Variants in C12orf60 observed in about 807,000 individuals in gnomAD.
The protein encoded by C12orf60 is uncharacterized protein C12orf60.
For synonymous variants in C12orf60, 102 were observed against 94.6 expected (o/e 1.08, Z -0.45); for missense variants, 284 against 283.2 (o/e 1.00, Z -0.02).
At chr12:14,803,832 T>G (rs1379407796) in intron 1 of C12orf60, 81 bp downstream of exon 1, 1 of 205,536 alleles carries the variant, frequency 4.9e-6, no homozygotes, top group Non-Finnish European at 9.6e-6. Flanking sequence ...ATTACCTTAG[T>G]TTTTGCATTT....
intron 1 of C12orf60, among the ~76,000 whole-genome samples, chr12:14,808,528 A>AG (rs1950089349): frequency 6.6e-6 from 1 of 152,220 alleles, no homozygotes; most frequent in Non-Finnish European, 1.5e-5. Context: ...ATTCTGCTTA[A>AG]GGGGAACCTC....
intron 1 of C12orf60, among the ~76,000 whole-genome samples, chr12:14,812,454 A>G (rs1362577025): frequency 1.3e-5 from 2 of 152,170 alleles, no homozygotes; most frequent in Admixed American, 6.5e-5. Flanking sequence ...AAAAAAAAAA[A>G]AAATTTTATT....
At chr12:14,808,246 C>T (rs1950083206) in intron 1 of C12orf60, among the ~76,000 whole-genome samples, 1 of 151,990 alleles carries the variant, frequency 6.6e-6, no homozygotes, top group African/African-American at 2.4e-5. Context: ...GTCCTTTTGG[C>T]CTACAGTACC....
chr12:14,808,369 C>CTT (rs994415969), intron 1 of C12orf60, among the ~76,000 whole-genome samples: 10 of 145,648 alleles, frequency 6.9e-5, no homozygotes, highest in African/African-American at 2.5e-4. Flanking sequence ...GTGGCTGGTA[C>CTT]TTTTTTTTTT....
At position 14,823,427 on chromosome 12, in the gene C12orf60, A is replaced by T. The variant is rs1181038454; in HGVS notation, c.492A>T (p.Gln164His). The T allele has an allele frequency of 6.2e-7, 1 of 1,613,894 alleles. No homozygotes were observed. Among genetic ancestry groups the T allele is most frequent in the Non-Finnish European group, 8.5e-7 (1 of 1,179,970 alleles). Residue 164 changes from glutamine (Q) to histidine (H), a missense_variant, in exon 2 of 2, where the codon CAA (glutamine) becomes CAT (histidine). Coordinates refer to ENST00000330828, the MANE Select transcript of C12orf60 (RefSeq NM_175874.4). Reference sequence around the variant, plus strand: ...TCTATACAGAAGACACCAAAGAGCAATCAGATGTCACCACATCTGAGAGAA... The same window carrying T: ...TCTATACAGAAGACACCAAAGAGCATTCAGATGTCACCACATCTGAGAGAA... ...SDFYTEDTKE[Q>H]SDVTTSERTR...
chr12:14,822,323 A>G (rs1048203136), intron 1 of C12orf60, among the ~76,000 whole-genome samples: 8 of 151,582 alleles, frequency 5.3e-5, no homozygotes, highest in Non-Finnish European at 7.4e-5. Context: ...AAACGACAAC[A>G]ACAACAACAA....
At chr12:14,812,487 C>A (rs1187617670) in intron 1 of C12orf60, among the ~76,000 whole-genome samples, 1 of 152,038 alleles carries the variant, frequency 6.6e-6, no homozygotes, top group Non-Finnish European at 1.5e-5. Context: ...TATTCCCTGT[C>A]TTTACCCTGG....
Position 14,806,836 on chromosome 12 carries a change from A to G in C12orf60, c.-25+3085A>G, listed in dbSNP as rs1313699379. 4 of 808,174 alleles carry G rather than the reference A, an allele frequency of 4.9e-6. No individual in the cohort carries two copies. The Admixed American group carries it at 1.3e-4, about 26-fold the overall frequency. The allele number at this position is 808,174 out of a possible 1,614,324, so 50.1% of individuals were successfully genotyped here. ...TAAGGATAATTCCTCAGAACACTCA[A>G]CAAGTTTTTTTAAAAGAGGGAGTAT... On this transcript the variant is annotated intron_variant, in intron 1 of 1. Transcript: ENST00000330828.
intron 1 of C12orf60, among the ~76,000 whole-genome samples, chr12:14,808,117 A>G (rs1373607400): frequency 1.3e-5 from 2 of 152,100 alleles, no homozygotes; most frequent in Non-Finnish European, 2.9e-5. Context: ...GTGAGCCAAG[A>G]TGGTGCCACT....
At position 14,811,411 on chromosome 12, in the gene C12orf60, G is replaced by T. The variant is rs142423549; in HGVS notation, c.-25+7660G>T. 2.1e-3 allele frequency among the ~76,000 whole-genome samples: 313 copies of T among 152,232 alleles called. 3 individuals are homozygous for T. The highest frequency in any genetic ancestry group is 6.7e-3 in the African/African-American group (279 of 41,528). On this transcript the variant is annotated intron_variant, in intron 1 of 1. Coordinates refer to ENST00000330828, the MANE Select transcript of C12orf60 (RefSeq NM_175874.4). Reference sequence around the variant, plus strand: ...GCTCTGGGTAGGTAAAATTTTATTTGATGAGAGAGTTCTGTTGCTAAAACA... The same window carrying T: ...GCTCTGGGTAGGTAAAATTTTATTTTATGAGAGAGTTCTGTTGCTAAAACA...
chr12:14,809,116 T>G (rs1043068435), intron 1 of C12orf60, among the ~76,000 whole-genome samples: 5 of 152,208 alleles, frequency 3.3e-5, no homozygotes, highest in Non-Finnish European at 7.3e-5. Context: ...AGGAGTTTTC[T>G]TATCCTGAAA....
chr12:14,811,065 A>G (rs1340432603), intron 1 of C12orf60, among the ~76,000 whole-genome samples: 1 of 152,226 alleles, frequency 6.6e-6, no homozygotes, highest in East Asian at 1.9e-4. Flanking sequence ...AGCAAGTGGT[A>G]TATTTAATCC....
chr12:14,804,237 G>T (rs1950012969), intron 1 of C12orf60, among the ~76,000 whole-genome samples: 1 of 151,992 alleles, frequency 6.6e-6, no homozygotes, highest in Non-Finnish European at 1.5e-5. Context: ...TCTACGTACG[G>T]GATTCTTCAC....
At chr12:14,803,779 A>G (rs973348288) in intron 1 of C12orf60, 28 bp downstream of exon 1, 1 of 323,596 alleles carries the variant, frequency 3.1e-6, no homozygotes, top group Middle Eastern at 8.3e-4. Flanking sequence ...AGAACGGTAC[A>G]TTCTGCAGAT....
intron 1 of C12orf60, among the ~76,000 whole-genome samples, chr12:14,817,767 T>G (rs769973594): frequency 6.6e-6 from 1 of 152,008 alleles, no homozygotes; most frequent in African/African-American, 2.4e-5. Context: ...TCTTTGCTGT[T>G]GTAAATAGTG....
intron 1 of C12orf60, among the ~76,000 whole-genome samples, chr12:14,808,344 G>T (rs961856232): frequency 1.3e-5 from 2 of 151,970 alleles, no homozygotes; most frequent in African/African-American, 4.8e-5. Flanking sequence ...TGCATACTTT[G>T]AGTAGCCTTC....
At chr12:14,818,579 G>A (rs952724289) in intron 1 of C12orf60, among the ~76,000 whole-genome samples, 4 of 152,178 alleles carry the variant, frequency 2.6e-5, no homozygotes, top group Non-Finnish European at 4.4e-5. Context: ...AGGAGATGGA[G>A]ACCATCCTGG....
chr12:14,813,611 C>T (rs1950173812), intron 1 of C12orf60, among the ~76,000 whole-genome samples: 1 of 152,182 alleles, frequency 6.6e-6, no homozygotes, highest in South Asian at 2.1e-4. Flanking sequence ...GTTCCTTGCC[C>T]TCAAGACGAT....
intron 1 of C12orf60, chr12:14,814,031 T>C (rs1950180904): frequency 6.6e-6 from 1 of 152,148 alleles, no homozygotes; most frequent in Non-Finnish European, 1.5e-5. Flanking sequence ...TTATTTATGG[T>C]TAGGATTCAA....
Sources: allele counts gnomAD v4.1 joint callset (sites outside exome capture counted in the v4.1 genomes callset), GRCh38; gene constraint gnomAD v4.1.1; transcripts MANE v1.5; gene names NCBI Gene and HGNC (gene_info 2026-07-23, HGNC 2026-07-21).